Variants in UGT1A9 observed in about 807,000 individuals in gnomAD.
UGT1A9 encodes UDP-glucuronosyltransferase 1A9.
UGT1A9 carries 35 observed loss-of-function variants against 45.0 expected under a neutral mutation model. The observed-to-expected ratio is 0.78, with a 90% CI of 0.59 to 1.03. The LOEUF (loss-of-function observed/expected upper bound fraction) is 1.03. Among genes scored for constraint, UGT1A9 ranks in the 50% least tolerant of loss-of-function variants. The probability of loss-of-function intolerance (pLI) is 0.00; values close to 1 mark genes in which losing one functional copy is unlikely to be tolerated. For synonymous variants in UGT1A9, 278 were observed against 250.6 expected (o/e 1.11, Z -1.03); for missense variants, 687 against 666.6 (o/e 1.03, Z -0.34).
intron 1 of UGT1A9, among the ~76,000 whole-genome samples, chr2:233,725,178 G>A (rs2077377532): frequency 1.5e-5 from 1 of 68,192 alleles, no homozygotes; most frequent in Admixed American, 1.4e-4. Flanking sequence ...GAGACCGTGG[G>A]GAGAGGCAGA....
intron 1 of UGT1A9, chr2:233,682,622 G>C: frequency 6.2e-7 from 1 of 1,613,866 alleles, no homozygotes; most frequent in Non-Finnish European, 8.5e-7. Flanking sequence ...AAATGTCTTA[G>C]AAATAGCCTC....
At chr2:233,725,024 G>A (rs1241696904) in intron 1 of UGT1A9, among the ~76,000 whole-genome samples, 4 of 148,280 alleles carry the variant, frequency 2.7e-5, no homozygotes, top group Admixed American at 6.7e-5. Flanking sequence ...AGCAAAACCC[G>A]GTCTCCACCA....
chr2:233,725,124 C>T (rs1317308405), intron 1 of UGT1A9, among the ~76,000 whole-genome samples: 3 of 137,634 alleles, frequency 2.2e-5, no homozygotes, highest in Admixed American at 7.2e-5. Context: ...TGCAGTGAGC[C>T]GAGATGGCAG....
intron 1 of UGT1A9, chr2:233,742,608 G>A (rs540595235): frequency 6.6e-6 from 1 of 152,040 alleles, no homozygotes; most frequent in South Asian, 2.1e-4. Context: ...CATAGTTGGA[G>A]AACCACGTTC....
Position 233,758,775 on chromosome 2 carries a change from G to C in UGT1A9, c.856-8259G>C, listed in dbSNP as rs534171239. Among the ~76,000 whole-genome samples the C allele has an allele frequency of 2.6e-5, 4 of 152,252 alleles. No individual in the cohort carries two copies. In the East Asian group the frequency reaches 7.7e-4, roughly 29 times the overall value. On this transcript the variant is annotated intron_variant, in intron 1 of 4. Coordinates refer to ENST00000354728, the MANE Select transcript of UGT1A9 (RefSeq NM_021027.3). ...AGTGATGTGTATGGTTCAAATGTTGGGATCTGTGCAGTTATCTTGGAATTG... is the reference window on the plus strand; with the variant it reads ...AGTGATGTGTATGGTTCAAATGTTGCGATCTGTGCAGTTATCTTGGAATTG...
chr2:233,768,990 A>C (rs1198274565), intron 4 of UGT1A9, among the ~76,000 whole-genome samples: 1 of 152,146 alleles, frequency 6.6e-6, no homozygotes, highest in Admixed American at 6.5e-5. Context: ...TATTTCCCCC[A>C]TTAGATTTAA....
At chr2:233,743,597 T>A in intron 1 of UGT1A9, 1 of 1,367,346 alleles carries the variant, frequency 7.3e-7, no homozygotes. Flanking sequence ...GAATGGGTCC[T>A]GGCCGCCGAA....
rs375498105 is a variant in UGT1A9 at position 233,743,694 on chromosome 2, C to T, written c.856-23340C>T. 64 of 1,367,302 alleles carry T rather than the reference C, an allele frequency of 4.7e-5. No homozygotes were observed. In the African/African-American group the frequency reaches 6.5e-4, roughly 14 times the overall value. The allele number at this position is 1,367,302 out of a possible 1,614,324, so 84.7% of individuals were successfully genotyped here. A position where few individuals can be genotyped will look rare whatever the true frequency, so the allele number is the denominator to read the frequency against. ...AAGGGCCTGCCGCCTGTGCAGCCGC[C>T]CTCCGCCCCCGCCTCGCCATAGCGG... On this transcript the variant is annotated intron_variant, in intron 1 of 4. Coordinates refer to ENST00000354728, the MANE Select transcript of UGT1A9 (RefSeq NM_021027.3).
intron 1 of UGT1A9, chr2:233,718,944 C>T (rs553189135): frequency 6.2e-7 from 1 of 1,614,060 alleles, no homozygotes; most frequent in African/African-American, 1.3e-5. Flanking sequence ...CAGCCCCTGG[C>T]TCAGCATGCG....
intron 1 of UGT1A9, among the ~76,000 whole-genome samples, chr2:233,711,920 G>C (rs1379461023): frequency 1.3e-5 from 2 of 152,120 alleles, no homozygotes; most frequent in Non-Finnish European, 2.9e-5. Flanking sequence ...GAGTGCTCAG[G>C]GTCTCTCCAT....
rs905208353 is a variant in UGT1A9 at position 233,747,345 on chromosome 2, C to T, written c.856-19689C>T. On this transcript the variant is annotated intron_variant, in intron 1 of 4. Coordinates refer to ENST00000354728, the MANE Select transcript of UGT1A9 (RefSeq NM_021027.3). ...TTGATGGCAGCCACTGGCTCGCATG[C>T]GGGAGGCCGTGCGGGAGCTCCATGC... is the stretch of plus-strand genomic sequence containing the variant. 3.8e-5 allele frequency: 61 copies of T among 1,602,546 alleles called. No individual in the cohort carries two copies. In the East Asian group the frequency reaches 5.4e-4, roughly 14 times the overall value.
At chr2:233,695,125 CTTTTCT>C (rs2075261912) in intron 1 of UGT1A9, among the ~76,000 whole-genome samples, 1 of 113,944 alleles carries the variant, frequency 8.8e-6, no homozygotes, top group East Asian at 2.1e-4. Flanking sequence ...CAACCCTTTT[CTTTTCT>C]TTTTTTTTTT....
intron 1 of UGT1A9, chr2:233,742,068 T>A (rs185159129): frequency 2.0e-5 from 3 of 151,914 alleles, no homozygotes; most frequent in African/African-American, 7.3e-5. Context: ...TGTGGCCTTA[T>A]GGAGATCCTT....
intron 1 of UGT1A9, among the ~76,000 whole-genome samples, chr2:233,716,574 A>G (rs2076512452): frequency 6.6e-6 from 1 of 152,190 alleles, no homozygotes; most frequent in Admixed American, 6.5e-5. Context: ...TTTAAAAACA[A>G]TACTTTCAAA....
At chr2:233,709,407 A>C (rs1575490731) in intron 1 of UGT1A9, among the ~76,000 whole-genome samples, 2 of 152,258 alleles carry the variant, frequency 1.3e-5, no homozygotes, top group South Asian at 2.1e-4. Context: ...ATGGGTGAAC[A>C]CTCAATAAGA....
At chr2:233,709,645 G>C (rs919625647) in intron 1 of UGT1A9, among the ~76,000 whole-genome samples, 1 of 152,178 alleles carries the variant, frequency 6.6e-6, no homozygotes, top group Non-Finnish European at 1.5e-5. Context: ...TCTTGGAATA[G>C]GTAGGGCTTT....
rs34650714 is a variant in UGT1A9 at position 233,767,183 on chromosome 2, C to T, written c.987+18C>T. The T allele has an allele frequency of 6.4e-3, 10,393 of 1,613,868 alleles. 514 individuals carry two copies. The African/African-American group carries it at 0.12, about 18-fold the overall frequency. On this transcript the variant is annotated intron_variant, in intron 2 of 4. Transcript: ENST00000354728. The stretch of plus-strand genomic sequence containing the variant: ...CTCAGACAGTAAGAAGATTCTATAC[C>T]ATGGCCTCATATCTATTTTCACAGG...
At chr2:233,746,615 T>G (rs1693440411) in intron 1 of UGT1A9, among the ~76,000 whole-genome samples, 1 of 151,704 alleles carries the variant, frequency 6.6e-6, no homozygotes, top group Non-Finnish European at 1.5e-5. Flanking sequence ...ACCTGACCCC[T>G]CCTTTCAGGC....
chr2:233,698,912 G>T (rs1019519579), intron 1 of UGT1A9, among the ~76,000 whole-genome samples: 1 of 152,230 alleles, frequency 6.6e-6, no homozygotes, highest in Non-Finnish European at 1.5e-5. Flanking sequence ...CCCAAGGAGG[G>T]ACGTGGCCGT....
Sources: allele counts gnomAD v4.1 joint callset (sites outside exome capture counted in the v4.1 genomes callset), GRCh38; gene constraint gnomAD v4.1.1; transcripts MANE v1.5; gene names NCBI Gene and HGNC (gene_info 2026-07-23, HGNC 2026-07-21).